The following ITIH5 variants were observed in gnomAD, a reference collection of about 807,000 sequenced individuals.
The protein encoded by ITIH5 is inter-alpha-trypsin inhibitor heavy chain H5.
A neutral mutation model predicts 77.5 loss-of-function variants in ITIH5; 65 were observed. That is an observed-to-expected ratio of 0.84 (90% CI 0.69 to 1.03). The LOEUF is 1.03. Among genes scored for constraint, ITIH5 ranks in the 50% least tolerant of loss-of-function variants. The probability of loss-of-function intolerance (pLI) is 0.00; values close to 1 mark genes in which losing one functional copy is unlikely to be tolerated. For missense variants in ITIH5, 1,208 were observed against 1,213.1 expected, an observed-to-expected ratio of 1.00 and a Z score of 0.06; for synonymous variants, 525 against 494.3, an observed-to-expected ratio of 1.06 and a Z score of -0.82.
At chr10:7,605,458 G>A (rs910970666) in intron 7 of ITIH5, among the ~76,000 whole-genome samples, 1 of 151,516 alleles carries the variant, frequency 6.6e-6, no homozygotes, top group African/African-American at 2.4e-5. Context: ...ATTTTTGCCT[G>A]ACTTTCTCTT....
intron 5 of ITIH5, among the ~76,000 whole-genome samples, chr10:7,625,471 A>T (rs1833560689): frequency 6.6e-6 from 1 of 152,198 alleles, no homozygotes; most frequent in South Asian, 2.1e-4. Context: ...AACACTTAGA[A>T]GTGACTCAGA....
At chr10:7,647,907 A>G (rs1399013031) in intron 2 of ITIH5, among the ~76,000 whole-genome samples, 1 of 152,048 alleles carries the variant, frequency 6.6e-6, no homozygotes, top group African/African-American at 2.4e-5. Flanking sequence ...GTCAACCCCA[A>G]TGGCCATCCA....
chr10:7,666,956 C>A lies in ITIH5; in HGVS notation c.-64G>T. ...GACACGCTTTGCAGCGCCCAGGGCTCCAGCCACTGCGGGACGCTCTCGGGG... is the reference window on the plus strand; with the variant it reads ...GACACGCTTTGCAGCGCCCAGGGCTACAGCCACTGCGGGACGCTCTCGGGG... On this transcript the variant is annotated 5_prime_UTR_variant, in exon 1 of 14. Coordinates refer to ENST00000397146, the MANE Select transcript of ITIH5 (RefSeq NM_030569.7). 1.5e-6 allele frequency: 2 copies of A among 1,338,714 alleles called. No individual in the cohort carries two copies. Among genetic ancestry groups the A allele is most frequent in the South Asian group, 1.3e-5 (1 of 77,218 alleles). 82.9% of individuals were successfully genotyped at this position (1,338,714 alleles called of 1,614,324 possible).
intron 7 of ITIH5, among the ~76,000 whole-genome samples, chr10:7,605,259 A>G (rs923789359): frequency 1.3e-5 from 2 of 149,938 alleles, no homozygotes; most frequent in African/African-American, 4.9e-5. Flanking sequence ...CTTGGATCCA[A>G]TCCCCCTCTT....
chr10:7,591,947 T>G (rs1324363636), intron 7 of ITIH5, among the ~76,000 whole-genome samples: 1 of 152,204 alleles, frequency 6.6e-6, no homozygotes, highest in South Asian at 2.1e-4. Flanking sequence ...CTTGGCTCAC[T>G]GCAACCTCCG....
At chr10:7,644,809 A>ACCTATATAT (rs1833973417) in intron 2 of ITIH5, among the ~76,000 whole-genome samples, 1 of 107,406 alleles carries the variant, frequency 9.3e-6, no homozygotes, top group African/African-American at 3.7e-5. Context: ...CATATATATC[A>ACCTATATAT]CATATATATC....
chr10:7,582,121 C>T (rs982569103), intron 8 of ITIH5, among the ~76,000 whole-genome samples: 4 of 152,054 alleles, frequency 2.6e-5, no homozygotes, highest in East Asian at 3.9e-4. Flanking sequence ...GTGATCTGCC[C>T]GCCTCGGCCT....
At chr10:7,566,838 G>A (rs372343468) in intron 12 of ITIH5, among the ~76,000 whole-genome samples, 10 of 12,030 alleles carry the variant, frequency 8.3e-4, no homozygotes, top group Admixed American at 2.1e-3. Context: ...AAGAGGAAGA[G>A]GAAGAGGAAG....
chr10:7,633,219 C>G (rs575929034), intron 5 of ITIH5, among the ~76,000 whole-genome samples: 1 of 152,252 alleles, frequency 6.6e-6, no homozygotes, highest in Admixed American at 6.5e-5. Context: ...CACCGTATAC[C>G]AATTTGTAAT....
chr10:7,583,395 C>T (rs935687207), intron 8 of ITIH5, among the ~76,000 whole-genome samples: 1 of 152,116 alleles, frequency 6.6e-6, no homozygotes. Context: ...TGCAGTGGTG[C>T]GATCTCGGCT....
chr10:7,651,160 A>G (rs1305155694), intron 2 of ITIH5, among the ~76,000 whole-genome samples: 1 of 152,046 alleles, frequency 6.6e-6, no homozygotes, highest in African/African-American at 2.4e-5. Context: ...TGGGGCTTTG[A>G]TCCTGGAAAG....
chr10:7,621,972 C>T (rs963340679), intron 5 of ITIH5: 2 of 152,176 alleles, frequency 1.3e-5, no homozygotes, highest in South Asian at 2.1e-4. Flanking sequence ...TTTCCTCCTT[C>T]GTGTTCTCTC....
In ITIH5 at chr10:7,641,952, C is replaced by A. The variant is rs758372626; in HGVS notation, c.274G>T (p.Ala92Ser). Reference sequence around the variant, plus strand: ...ATAGTGAAGTTGGTGATGAAAGCTGCAGCTGGAATCTGCATCTGGAACTCA... The same window carrying A: ...ATAGTGAAGTTGGTGATGAAAGCTGAAGCTGGAATCTGCATCTGGAACTCA... Reference protein sequence around the residue: ...DIEFQMQIPAAAFITNFTMLI... With the variant: ...DIEFQMQIPASAFITNFTMLI... The change falls in exon 3 of 14, where the codon GCA (alanine) becomes TCA (serine). Residue 92 changes from alanine to serine, a missense_variant. Physicochemically the swap from Ala to Ser is moderately conservative, Grantham distance 99. Coordinates refer to ENST00000397146, the MANE Select transcript of ITIH5 (RefSeq NM_030569.7). 2 of 1,614,150 alleles carry A rather than the reference C, an allele frequency of 1.2e-6. No homozygotes were observed. Among genetic ancestry groups the A allele is most frequent in the South Asian group, 1.1e-5 (1 of 91,066 alleles).
intron 5 of ITIH5, among the ~76,000 whole-genome samples, chr10:7,634,100 A>AG (rs1160481001): frequency 6.6e-6 from 1 of 151,586 alleles, no homozygotes; most frequent in Non-Finnish European, 1.5e-5. Context: ...AAAAAAAAAA[A>AG]AAAAAAAAAG....
chr10:7,631,043 A>G (rs977961433), intron 5 of ITIH5, among the ~76,000 whole-genome samples: 2 of 56,944 alleles, frequency 3.5e-5, no homozygotes, highest in African/African-American at 1.6e-4. Flanking sequence ...CAGCCCAGGA[A>G]AAAAAAAAAA....
chr10:7,595,247 T>A (rs1832871474), intron 7 of ITIH5, among the ~76,000 whole-genome samples: 1 of 152,012 alleles, frequency 6.6e-6, no homozygotes, highest in Non-Finnish European at 1.5e-5. Flanking sequence ...ATAATAAAAT[T>A]AAAATTGAAA....
At chr10:7,615,390 G>A (rs185423962) in intron 7 of ITIH5, among the ~76,000 whole-genome samples, 29 of 152,306 alleles carry the variant, frequency 1.9e-4, no homozygotes, top group African/African-American at 6.3e-4. Context: ...GAAATGTATC[G>A]TATATGAAAG....
chr10:7,624,016 T>C (rs750160756), intron 5 of ITIH5, among the ~76,000 whole-genome samples: 2 of 152,292 alleles, frequency 1.3e-5, no homozygotes, highest in East Asian at 3.9e-4. Flanking sequence ...TATTTTATAG[T>C]TAAGTAGATG....
chr10:7,649,583 T>C (rs1424231809), intron 2 of ITIH5, among the ~76,000 whole-genome samples: 1 of 152,086 alleles, frequency 6.6e-6, no homozygotes, highest in Admixed American at 6.5e-5. Context: ...GACCTTCCAG[T>C]GTTGAGAAGA....
Sources: allele counts gnomAD v4.1 joint callset (sites outside exome capture counted in the v4.1 genomes callset), GRCh38; gene constraint gnomAD v4.1.1; transcripts MANE v1.5; gene names NCBI Gene and HGNC (gene_info 2026-07-23, HGNC 2026-07-21).